The following FLVCR2 variants were observed in gnomAD, a reference collection of about 807,000 sequenced individuals.
FLVCR2 encodes choline/ethanolamine transporter FLVCR2.
In FLVCR2, 38 loss-of-function variants were observed where a neutral mutation model predicts 48.9. That is an observed-to-expected ratio of 0.78 (90% CI 0.60 to 1.02). The LOEUF (loss-of-function observed/expected upper bound fraction) is 1.02. FLVCR2 is among the 50% of genes least tolerant of loss of function. The pLI, the probability that FLVCR2 is intolerant of heterozygous loss-of-function variation, is 0.00. For missense variants in FLVCR2, 664 were observed against 663.3 expected (o/e 1.00, Z -0.01); for synonymous variants, 255 against 257.0 (o/e 0.99, Z 0.07).
intron 1 of FLVCR2, among the ~76,000 whole-genome samples, chr14:75,619,197 G>A (rs1889698798): frequency 6.6e-6 from 1 of 152,018 alleles, no homozygotes; most frequent in African/African-American, 2.4e-5. Context: ...ACTGCACTCC[G>A]TCCTGGTGAC....
chr14:75,595,778 GC>G, intron 1 of FLVCR2: 1 of 716,982 alleles, frequency 1.4e-6, no homozygotes, highest in East Asian at 2.5e-5. Context: ...ATCCACAATG[GC>G]CACAGATTAC....
intron 1 of FLVCR2, among the ~76,000 whole-genome samples, chr14:75,604,501 T>C (rs911975933): frequency 1.3e-5 from 2 of 151,970 alleles, no homozygotes; most frequent in Non-Finnish European, 2.9e-5. Context: ...AGAGGGAGGA[T>C]TGCTTAAGCC....
intron 1 of FLVCR2, among the ~76,000 whole-genome samples, chr14:75,585,709 C>G (rs1473207902): frequency 2.0e-5 from 3 of 152,182 alleles, no homozygotes; most frequent in African/African-American, 4.8e-5. Context: ...AATTATCAGG[C>G]AGGCGTCCCC....
chr14:75,583,385 C>A (rs1241891240), intron 1 of FLVCR2, among the ~76,000 whole-genome samples: 4 of 152,090 alleles, frequency 2.6e-5, no homozygotes, highest in Non-Finnish European at 5.9e-5. Flanking sequence ...TGATAACAGG[C>A]TTTAATCCTT....
intron 1 of FLVCR2, chr14:75,605,374 T>C: frequency 8.1e-7 from 1 of 1,227,404 alleles, no homozygotes; most frequent in Non-Finnish European, 1.1e-6. Context: ...CTCCCCTCCC[T>C]TGATTCTACA....
At chr14:75,638,306 G>A (rs1054037216) in intron 5 of FLVCR2, among the ~76,000 whole-genome samples, 5 of 152,064 alleles carry the variant, frequency 3.3e-5, no homozygotes, top group Non-Finnish European at 7.4e-5. Context: ...GTATGGTGGC[G>A]CATGCCTGTA....
At chr14:75,622,566 C>T (rs2140037999) in intron 2 of FLVCR2, among the ~76,000 whole-genome samples, 1 of 152,302 alleles carries the variant, frequency 6.6e-6, no homozygotes, top group African/African-American at 2.4e-5. Flanking sequence ...TGCCTGATTT[C>T]ATTTAGTTGT....
Position 75,578,873 on chromosome 14 carries a change from CA to C in FLVCR2, c.-98del. ...TAGTCTCTGTTTCTTCTGGAATAGG[CA>C]AGTGTCCTTTCAACTCTAAGAGACC... On this transcript the variant is annotated 5_prime_UTR_variant, in exon 1 of 10. Coordinates refer to ENST00000238667, the MANE Select transcript of FLVCR2 (RefSeq NM_017791.3). 1.8e-6 allele frequency: 2 copies of C among 1,098,266 alleles called. No homozygotes were observed. Among genetic ancestry groups the C allele is most frequent in the South Asian group, 2.6e-5 (2 of 78,152 alleles). 68.0% of individuals were successfully genotyped at this position (1,098,266 alleles called of 1,614,324 possible).
chr14:75,617,261 T>TGAGAC (rs1255702225), intron 1 of FLVCR2, among the ~76,000 whole-genome samples: 32 of 152,316 alleles, frequency 2.1e-4, no homozygotes, highest in African/African-American at 7.7e-4. Context: ...TCATTCAAAG[T>TGAGAC]ATGGCTTCTC....
Position 75,595,949 on chromosome 14 carries a change from T to A in FLVCR2, c.669+16308T>A, listed in dbSNP as rs878921606. On this transcript the variant is annotated intron_variant, in intron 1 of 9. Coordinates refer to ENST00000238667, the MANE Select transcript of FLVCR2 (RefSeq NM_017791.3). ...CATGTCTTGCAAGTCTATGTTTGGGTTCATTTTTCTTTGCATAATCCAGGG... is the reference window on the plus strand; with the variant it reads ...CATGTCTTGCAAGTCTATGTTTGGGATCATTTTTCTTTGCATAATCCAGGG... The A allele has an allele frequency of 3.3e-5, 49 of 1,485,332 alleles. No individual in the cohort carries two copies. The South Asian group carries it at 4.6e-4, about 14-fold the overall frequency. The allele number at this position is 1,485,332 out of a possible 1,614,324, so 92.0% of individuals were successfully genotyped here. A position where few individuals can be genotyped will look rare whatever the true frequency, so the allele number is the denominator to read the frequency against.
chr14:75,645,120 T>C (rs1268490235), intron 9 of FLVCR2, among the ~76,000 whole-genome samples: 1 of 151,674 alleles, frequency 6.6e-6, no homozygotes, highest in Non-Finnish European at 1.5e-5. Flanking sequence ...AGGCTGTTAG[T>C]TTCCTGAATG....
chr14:75,601,064 A>G (rs1288882315), intron 1 of FLVCR2, among the ~76,000 whole-genome samples: 1 of 152,172 alleles, frequency 6.6e-6, no homozygotes, highest in Non-Finnish European at 1.5e-5. Flanking sequence ...AGAGCCGAGA[A>G]CCCCCAACAA....
At chr14:75,584,486 G>A (rs538667878) in intron 1 of FLVCR2, among the ~76,000 whole-genome samples, 68 of 152,338 alleles carry the variant, frequency 4.5e-4, no homozygotes, top group Non-Finnish European at 7.3e-4. Context: ...AGCGGGCCAT[G>A]AACTGGGCTG....
chr14:75,608,721 G>A lies in FLVCR2; in HGVS notation c.670-13358G>A, dbSNP rs115924622. Among the ~76,000 whole-genome samples the A allele has an allele frequency of 4.1e-3, 620 of 152,258 alleles. 4 individuals are homozygous for A. The highest frequency in any genetic ancestry group is 0.014 in the African/African-American group (582 of 41,524). ...CCCTTAGGAAGATGTTGCAGTTTCC[G>A]TTCGACAAGCTTCTCTCTCCAGAAT... is the stretch of plus-strand genomic sequence containing the variant. On this transcript the variant is annotated intron_variant, in intron 1 of 9. Coordinates refer to ENST00000238667, the MANE Select transcript of FLVCR2 (RefSeq NM_017791.3).
intron 4 of FLVCR2, among the ~76,000 whole-genome samples, chr14:75,634,097 T>A (rs1000236405): frequency 1.3e-5 from 2 of 152,154 alleles, no homozygotes; most frequent in African/African-American, 2.4e-5. Flanking sequence ...AATATATATA[T>A]AAAATATTTC....
chr14:75,622,199 C>T lies in FLVCR2; in HGVS notation c.790C>T (p.Leu264Phe), dbSNP rs886129233. The change falls in exon 2 of 10, where the codon CTC (leucine) becomes TTC (phenylalanine). Residue 264 changes from leucine to phenylalanine, a missense_variant. Transcript: ENST00000238667. The stretch of plus-strand genomic sequence containing the variant: ...TATAATAGGAGGTGTGGCCACTCTC[C>T]TCCTCATCCTTGTCATCATTGGTAA... ...FYIIGGVATL[L>F]LILVIIVFKE... is the part of the protein sequence containing the mutation. The T allele has an allele frequency of 2.5e-6, 4 of 1,614,068 alleles. No individual in the cohort carries two copies. The highest frequency in any genetic ancestry group is 1.3e-5 in the African/African-American group (1 of 75,030).
At chr14:75,616,987 T>A (rs1231619815) in intron 1 of FLVCR2, among the ~76,000 whole-genome samples, 1 of 152,174 alleles carries the variant, frequency 6.6e-6, no homozygotes, top group Non-Finnish European at 1.5e-5. Context: ...TCTGGCCCCA[T>A]GACTAGGTAG....
At chr14:75,636,936 G>A (rs927768458) in intron 5 of FLVCR2, among the ~76,000 whole-genome samples, 4 of 152,214 alleles carry the variant, frequency 2.6e-5, no homozygotes, top group Admixed American at 1.3e-4. Context: ...CAAGACTGGC[G>A]TCCATGACGT....
chr14:75,611,390 G>A (rs1048500399), intron 1 of FLVCR2, among the ~76,000 whole-genome samples: 2 of 152,144 alleles, frequency 1.3e-5, no homozygotes, highest in South Asian at 4.1e-4. Flanking sequence ...GTTTTGCCAG[G>A]AGAAGCTGTT....
Sources: allele counts gnomAD v4.1 joint callset (sites outside exome capture counted in the v4.1 genomes callset), GRCh38; gene constraint gnomAD v4.1.1; transcripts MANE v1.5; gene names NCBI Gene and HGNC (gene_info 2026-07-23, HGNC 2026-07-21).